The following BTBD9 variants were observed in gnomAD, a reference collection of about 807,000 sequenced individuals.
BTBD9 encodes BTB/POZ domain-containing protein 9.
BTBD9 carries 49 observed loss-of-function variants against 64.3 expected under a neutral mutation model. The observed-to-expected ratio is 0.76, with a 90% CI of 0.61 to 0.97. The LOEUF is 0.97. Ranked by LOEUF, BTBD9 falls within the 50% of genes least tolerant of loss-of-function variation. The probability of loss-of-function intolerance (pLI) is 0.00; values close to 1 mark genes in which losing one functional copy is unlikely to be tolerated. For missense variants in BTBD9, 598 were observed against 762.1 expected (o/e 0.78, Z 2.53); for synonymous variants, 260 against 274.7 (o/e 0.95, Z 0.53).
At chr6:38,350,752 G>A (rs1031479329) in intron 6 of BTBD9, among the ~76,000 whole-genome samples, 1 of 152,226 alleles carries the variant, frequency 6.6e-6, no homozygotes, top group Non-Finnish European at 1.5e-5. Context: ...ACTCTGCGGA[G>A]AACATTGTTG....
At position 38,169,869 on chromosome 6, in the gene BTBD9, T is replaced by C. The variant is rs796363655; in HGVS notation, c.*5116A>G. Reference sequence around the variant, plus strand: ...TGGATGATTGTGAGTCTTCAGGCCATGAGGCCTCTTGGGGACTATTTCAGT... The same window carrying C: ...TGGATGATTGTGAGTCTTCAGGCCACGAGGCCTCTTGGGGACTATTTCAGT... On this transcript the variant is annotated 3_prime_UTR_variant, in exon 11 of 11. Transcript: ENST00000481247. 10 of 147,664 alleles carry C rather than the reference T, an allele frequency of 6.8e-5. No individual in the cohort carries two copies. Among genetic ancestry groups the C allele is most frequent in the African/African-American group, 2.5e-4 (10 of 40,184 alleles). The allele number at this position is 147,664 out of a possible 1,614,324, so 9.1% of individuals were successfully genotyped here.
At chr6:38,586,789 G>A (rs370544670) in intron 4 of BTBD9, among the ~76,000 whole-genome samples, 9 of 152,192 alleles carry the variant, frequency 5.9e-5, no homozygotes, top group African/African-American at 1.2e-4. Context: ...CTGGCCAGGC[G>A]TGGTGGCTCA....
chr6:38,342,929 C>T (rs1338878938), intron 7 of BTBD9, among the ~76,000 whole-genome samples: 1 of 152,190 alleles, frequency 6.6e-6, no homozygotes, highest in African/African-American at 2.4e-5. Context: ...CCTCACCACC[C>T]ACACCACTGC....
chr6:38,636,050 A>C (rs751621488), intron 1 of BTBD9, among the ~76,000 whole-genome samples: 1 of 152,218 alleles, frequency 6.6e-6, no homozygotes, highest in African/African-American at 2.4e-5. Flanking sequence ...CATTTATTAT[A>C]TTAAGCATCT....
At chr6:38,276,477 A>G (rs1400172696) in intron 8 of BTBD9, among the ~76,000 whole-genome samples, 1 of 152,128 alleles carries the variant, frequency 6.6e-6, no homozygotes, top group East Asian at 1.9e-4. Context: ...GTGCACATGT[A>G]CCCTAAAACT....
chr6:38,519,689 C>T (rs1051771507), intron 6 of BTBD9, among the ~76,000 whole-genome samples: 8 of 152,184 alleles, frequency 5.3e-5, no homozygotes, highest in African/African-American at 1.9e-4. Flanking sequence ...TTTCAGTAAA[C>T]AAGCATGCAG....
At chr6:38,238,317 T>C (rs1363539813) in intron 9 of BTBD9, among the ~76,000 whole-genome samples, 1 of 152,154 alleles carries the variant, frequency 6.6e-6, no homozygotes, top group Non-Finnish European at 1.5e-5. Context: ...ATCAAATACA[T>C]GTAAGATTTA....
At position 38,580,453 on chromosome 6, in the gene BTBD9, G is replaced by GA; in HGVS notation, c.815-17dup. The GA allele has an allele frequency of 6.3e-7, 1 of 1,589,050 alleles. No individual in the cohort carries two copies. Among genetic ancestry groups the GA allele is most frequent in the Non-Finnish European group, 8.6e-7 (1 of 1,161,288 alleles). On this transcript the variant is annotated splice_polypyrimidine_tract_variant and intron_variant, in intron 4 of 10. Transcript: ENST00000481247. ...TCTTCTGGTACTACAGTTAAAAATA[G>GA]AAAAAGCAAGGTTAATGATTACTTA...
intron 7 of BTBD9, among the ~76,000 whole-genome samples, chr6:38,318,174 C>A (rs1044406188): frequency 6.6e-6 from 1 of 152,158 alleles, no homozygotes; most frequent in African/African-American, 2.4e-5. Flanking sequence ...GGATTACAGG[C>A]GTGAGCCACT....
chr6:38,550,317 TTTTTC>T (rs1205477609), intron 6 of BTBD9, among the ~76,000 whole-genome samples: 4 of 100,844 alleles, frequency 4.0e-5, no homozygotes, highest in Non-Finnish European at 6.0e-5. Flanking sequence ...TTCTTTTTCT[TTTTTC>T]TTTTTTTTTT....
intron 1 of BTBD9, among the ~76,000 whole-genome samples, chr6:38,606,889 A>G (rs559292124): frequency 1.3e-5 from 2 of 152,330 alleles, no homozygotes; most frequent in South Asian, 4.1e-4. Context: ...TAAGTAGCAG[A>G]TTCAGAAAGG....
intron 6 of BTBD9, among the ~76,000 whole-genome samples, chr6:38,359,644 T>C (rs1168616884): frequency 6.6e-6 from 1 of 152,084 alleles, no homozygotes; most frequent in African/African-American, 2.4e-5. Flanking sequence ...TTACTCAGGC[T>C]CTCCCTTCCC....
intron 6 of BTBD9, among the ~76,000 whole-genome samples, chr6:38,548,439 T>C (rs928705746): frequency 6.6e-6 from 1 of 152,226 alleles, no homozygotes; most frequent in Non-Finnish European, 1.5e-5. Flanking sequence ...TAGAGTTCTT[T>C]TTTTGTAGAG....
chr6:38,310,385 G>A (rs926465985), intron 7 of BTBD9, among the ~76,000 whole-genome samples: 5 of 151,584 alleles, frequency 3.3e-5, no homozygotes, highest in African/African-American at 9.7e-5. Flanking sequence ...CAAATCACCT[G>A]GAATGACCCT....
intron 6 of BTBD9, among the ~76,000 whole-genome samples, chr6:38,551,002 G>A (rs1167726154): frequency 6.6e-6 from 1 of 152,084 alleles, no homozygotes; most frequent in Non-Finnish European, 1.5e-5. Flanking sequence ...CCTCAGCCTG[G>A]AACACTCTTT....
At chr6:38,336,812 T>C (rs1489873506) in intron 7 of BTBD9, among the ~76,000 whole-genome samples, 1 of 152,210 alleles carries the variant, frequency 6.6e-6, no homozygotes, top group East Asian at 1.9e-4. Context: ...TACTGAGTTG[T>C]CACCTTCTGT....
Position 38,268,433 on chromosome 6 carries a change from C to T in BTBD9, c.1455-11917G>A, listed in dbSNP as rs114135645. The stretch of plus-strand genomic sequence containing the variant: ...ATGCAGATCTTTGTATTCTCTTGAC[C>T]TGGTGATAAAGGGAAAGAACAGAAG... On this transcript the variant is annotated intron_variant, in intron 8 of 10. Coordinates refer to ENST00000481247, the MANE Select transcript of BTBD9 (RefSeq NM_001099272.2). Among the ~76,000 whole-genome samples, 826 of 152,240 alleles carry T rather than the reference C, an allele frequency of 5.4e-3. 6 individuals are homozygous for T. The highest frequency in any genetic ancestry group is 0.018 in the African/African-American group (737 of 41,520).
chr6:38,283,529 G>A (rs987842146), intron 8 of BTBD9, among the ~76,000 whole-genome samples: 1 of 152,146 alleles, frequency 6.6e-6, no homozygotes, highest in African/African-American at 2.4e-5. Flanking sequence ...CATGCCTGTG[G>A]TCCCAGCTGC....
chr6:38,358,712 T>A (rs546034240), intron 6 of BTBD9, among the ~76,000 whole-genome samples: 1 of 152,304 alleles, frequency 6.6e-6, no homozygotes, highest in East Asian at 1.9e-4. Flanking sequence ...TCCTGAGTCA[T>A]TCAATGACTC....
Sources: allele counts gnomAD v4.1 joint callset (sites outside exome capture counted in the v4.1 genomes callset), GRCh38; gene constraint gnomAD v4.1.1; transcripts MANE v1.5; gene names NCBI Gene and HGNC (gene_info 2026-07-23, HGNC 2026-07-21).